Variants in FSTL5 observed in about 807,000 individuals in gnomAD.
FSTL5 encodes follistatin like 5.
A neutral mutation model predicts 89.1 loss-of-function variants in FSTL5; 62 were observed. That is an observed-to-expected ratio of 0.70 (90% CI 0.57 to 0.86). The LOEUF (loss-of-function observed/expected upper bound fraction) is 0.86. Ranked by LOEUF, FSTL5 falls within the 40% of genes least tolerant of loss-of-function variation. FSTL5 has a pLI of 0.00. For synonymous variants in FSTL5, 383 were observed against 346.2 expected, an observed-to-expected ratio of 1.11 and a Z score of -1.18; for missense variants, 1,057 against 1,001.6, an observed-to-expected ratio of 1.06 and a Z score of -0.75.
chr4:162,145,886 T>C (rs10223024), intron 1 of FSTL5, among the ~76,000 whole-genome samples: 1,679 of 152,290 alleles, frequency 0.011, 35 homozygotes, highest in African/African-American at 0.038. Flanking sequence ...CTATTTTGAA[T>C]TTCCTAAACT....
In FSTL5 at chr4:161,716,607, TAAATA is replaced by T. The variant is rs1553960657; in HGVS notation, c.727+42799_727+42803del. Among the ~76,000 whole-genome samples the T allele has an allele frequency of 1.3e-3, 205 of 151,890 alleles. 1 individual carries two copies. Among genetic ancestry groups the T allele is most frequent in the African/African-American group, 4.7e-3 (194 of 41,452 alleles). ...GCGAAACCCTGTCTCAAAAAATAAA[TAAATA>T]AAATAAAATAAAATAAAATAGCACC... is the stretch of plus-strand genomic sequence containing the variant. On this transcript the variant is annotated intron_variant, in intron 6 of 15. Transcript: ENST00000306100.
At chr4:161,471,843 T>C (rs1273846359) in intron 13 of FSTL5, among the ~76,000 whole-genome samples, 4 of 152,194 alleles carry the variant, frequency 2.6e-5, no homozygotes, top group Non-Finnish European at 5.9e-5. Flanking sequence ...CAATTGTTCA[T>C]GGTACTCTCT....
intron 6 of FSTL5, among the ~76,000 whole-genome samples, chr4:161,693,121 T>G (rs552193690): frequency 6.6e-6 from 1 of 152,336 alleles, no homozygotes; most frequent in Non-Finnish European, 1.5e-5. Flanking sequence ...ATGGCAGCTC[T>G]AACAAACCTT....
intron 15 of FSTL5, among the ~76,000 whole-genome samples, chr4:161,452,605 T>G (rs1733210190): frequency 6.6e-6 from 1 of 152,176 alleles, no homozygotes; most frequent in African/African-American, 2.4e-5. Flanking sequence ...AGTTTATTTT[T>G]GGAAACGCAT....
At chr4:161,565,331 G>A (rs538067962) in intron 8 of FSTL5, among the ~76,000 whole-genome samples, 1 of 151,784 alleles carries the variant, frequency 6.6e-6, no homozygotes, top group African/African-American at 2.4e-5. Flanking sequence ...TTAGAAGTAG[G>A]TTTGCTTAGT....
In FSTL5 at chr4:162,055,800, C is replaced by A. The variant is rs539241838; in HGVS notation, c.127-22142G>T. Among the ~76,000 whole-genome samples the A allele has an allele frequency of 1.2e-3, 180 of 151,794 alleles. 4 individuals are homozygous for A. The highest frequency in any genetic ancestry group is 4.0e-3 in the African/African-American group (166 of 41,372). ...TGCTAAAATGGAGACACAAGAAATA[C>A]AATATGGCATATGCAAGTTACAAAT... On this transcript the variant is annotated intron_variant, in intron 2 of 15. Transcript: ENST00000306100.
intron 2 of FSTL5, among the ~76,000 whole-genome samples, chr4:162,102,486 T>C (rs2111385916): frequency 6.7e-6 from 1 of 150,036 alleles, no homozygotes; most frequent in Non-Finnish European, 1.5e-5. Flanking sequence ...TTGGCACATA[T>C]GATGTTTTCT....
At chr4:161,636,028 C>T (rs1383059066) in intron 7 of FSTL5, among the ~76,000 whole-genome samples, 4 of 150,548 alleles carry the variant, frequency 2.7e-5, no homozygotes, top group South Asian at 2.1e-4. Flanking sequence ...TAGTAACATA[C>T]GTAGTTACGG....
intron 10 of FSTL5, among the ~76,000 whole-genome samples, chr4:161,533,884 A>T (rs1465358775): frequency 6.6e-6 from 1 of 152,140 alleles, no homozygotes; most frequent in African/African-American, 2.4e-5. Context: ...TTAATTCATC[A>T]TGATCAAGTA....
At chr4:161,841,836 T>C (rs1560876160) in intron 4 of FSTL5, among the ~76,000 whole-genome samples, 1 of 152,146 alleles carries the variant, frequency 6.6e-6, no homozygotes, top group Non-Finnish European at 1.5e-5. Flanking sequence ...ATAACTGTTT[T>C]TGATGTTGAT....
intron 2 of FSTL5, among the ~76,000 whole-genome samples, chr4:162,093,821 G>A (rs72982653): frequency 2.5e-3 from 374 of 151,944 alleles, no homozygotes; most frequent in African/African-American, 8.1e-3. Flanking sequence ...ATACTAATTC[G>A]CATTTTATAA....
chr4:161,837,034 A>G (rs556072327), intron 4 of FSTL5, among the ~76,000 whole-genome samples: 41 of 152,276 alleles, frequency 2.7e-4, no homozygotes, highest in African/African-American at 9.1e-4. Flanking sequence ...TGGACCTATG[A>G]GTCTAAAAAC....
At chr4:161,965,630 T>TGCTTCCAC (rs1472798718) in intron 3 of FSTL5, among the ~76,000 whole-genome samples, 3 of 152,068 alleles carry the variant, frequency 2.0e-5, no homozygotes, top group Admixed American at 1.3e-4. Context: ...CTATCATATT[T>TGCTTCCAC]TGGTTTATTT....
At chr4:161,578,040 G>A (rs999038556) in intron 8 of FSTL5, among the ~76,000 whole-genome samples, 2 of 151,528 alleles carry the variant, frequency 1.3e-5, no homozygotes, top group East Asian at 1.9e-4. Context: ...TCAATGCTTC[G>A]GCAAATCTAT....
At chr4:161,968,615 A>G (rs1735390901) in intron 3 of FSTL5, among the ~76,000 whole-genome samples, 1 of 152,034 alleles carries the variant, frequency 6.6e-6, no homozygotes, top group South Asian at 2.1e-4. Context: ...GTTAGAAGGG[A>G]TCCCAGAGAT....
chr4:161,686,477 G>T (rs1485373736), intron 6 of FSTL5, among the ~76,000 whole-genome samples: 1 of 144,368 alleles, frequency 6.9e-6, no homozygotes, highest in Non-Finnish European at 1.5e-5. Flanking sequence ...TCCTGCCTCA[G>T]CCTCCTGAGT....
intron 3 of FSTL5, among the ~76,000 whole-genome samples, chr4:161,980,949 C>T (rs148279950): frequency 0.01 from 1,518 of 151,594 alleles, 26 homozygotes; most frequent in African/African-American, 0.034. Flanking sequence ...TTAGTAGAGA[C>T]GGGGTTTCAC....
intron 12 of FSTL5, among the ~76,000 whole-genome samples, chr4:161,491,131 T>C (rs1324112445): frequency 1.3e-5 from 2 of 151,888 alleles, no homozygotes; most frequent in Admixed American, 1.3e-4. Flanking sequence ...TAAATAGGGT[T>C]CCAGGCCACA....
chr4:161,577,782 A>G (rs1312239181), intron 8 of FSTL5, among the ~76,000 whole-genome samples: 1 of 152,152 alleles, frequency 6.6e-6, no homozygotes, highest in Non-Finnish European at 1.5e-5. Context: ...CACTACAATC[A>G]GGGAGCTTAC....
Sources: gnomAD v4.1 joint callset for allele counts (sites outside exome capture counted in the v4.1 genomes callset) on GRCh38, gnomAD v4.1.1 for gene constraint, MANE v1.5 for transcripts, NCBI Gene and HGNC (gene_info 2026-07-23, HGNC 2026-07-21) for gene names.